The following SAMSN1 variants were observed in gnomAD, a reference collection of about 807,000 sequenced individuals.
SAMSN1 encodes SAM domain, SH3 domain and nuclear localization signals 1, also known as SAM domain-containing protein SAMSN-1.
Under a neutral mutation model 42.0 loss-of-function variants are expected in SAMSN1, and 31 were observed. The ratio of observed to expected loss-of-function variants is 0.74; its 90% CI spans 0.55 to 1.00. The LOEUF (loss-of-function observed/expected upper bound fraction) is 1.00, where lower values mean the gene tolerates loss of function less well. Among genes scored for constraint, SAMSN1 ranks in the 50% least tolerant of loss-of-function variants. The pLI, the probability that SAMSN1 is intolerant of heterozygous loss-of-function variation, is 0.00. For missense variants in SAMSN1, 464 were observed against 439.4 expected, an observed-to-expected ratio of 1.06 and a Z score of -0.50; for synonymous variants, 178 against 151.9, an observed-to-expected ratio of 1.17 and a Z score of -1.26.
At chr21:14,590,725 G>A (rs1342737370) in intron 7 of SAMSN1, among the ~76,000 whole-genome samples, 3 of 152,274 alleles carry the variant, frequency 2.0e-5, no homozygotes, top group East Asian at 1.9e-4. Context: ...CTTAGAGACA[G>A]GAAGAAGAGA....
intron 2 of SAMSN1, among the ~76,000 whole-genome samples, chr21:14,562,120 G>A (rs551229398): frequency 6.6e-6 from 1 of 151,696 alleles, no homozygotes; most frequent in South Asian, 2.1e-4. Context: ...AGGTGAGCAT[G>A]TATACATTTA....
intron 2 of SAMSN1, among the ~76,000 whole-genome samples, chr21:14,560,906 T>C (rs1233692609): frequency 2.0e-5 from 3 of 152,232 alleles, no homozygotes; most frequent in Admixed American, 1.3e-4. Context: ...GCAGATATTA[T>C]TGTCTCAGTA....
chr21:14,578,005 C>G (rs1981562687), intron 2 of SAMSN1, among the ~76,000 whole-genome samples: 1 of 152,190 alleles, frequency 6.6e-6, no homozygotes, highest in Admixed American at 6.5e-5. Flanking sequence ...ATACATTTCC[C>G]TGTCTGATTC....
intron 3 of SAMSN1, among the ~76,000 whole-genome samples, chr21:14,614,567 A>G (rs1475399743): frequency 2.0e-5 from 3 of 152,240 alleles, no homozygotes; most frequent in African/African-American, 4.8e-5. Flanking sequence ...TCGGCAGCAC[A>G]GATACATATT....
upstream of SAMSN1, among the ~76,000 whole-genome samples, chr21:14,586,161 G>T (rs1291362483): frequency 6.7e-6 from 1 of 149,588 alleles, no homozygotes; most frequent in Non-Finnish European, 1.5e-5. Context: ...TACTTGGGAG[G>T]CTGAGGCAGG....
At position 14,485,717 on chromosome 21, in the gene SAMSN1, T is replaced by C. The variant is rs1016779683; in HGVS notation, c.*195A>G. ...TATTAACACATAGCATTTAAAATAATAAATATATATTTTATTGACAGTAAT... is the reference window on the plus strand; with the variant it reads ...TATTAACACATAGCATTTAAAATAACAAATATATATTTTATTGACAGTAAT... On this transcript the variant is annotated 3_prime_UTR_variant, in exon 8 of 8. Coordinates refer to ENST00000400566, the MANE Select transcript of SAMSN1 (RefSeq NM_022136.5). 2 of 467,694 alleles carry C rather than the reference T, an allele frequency of 4.3e-6. No individual in the cohort carries two copies. Among genetic ancestry groups the C allele is most frequent in the African/African-American group, 3.9e-5 (2 of 51,280 alleles). The allele number at this position is 467,694 out of a possible 1,614,324, so 29.0% of individuals were successfully genotyped here.
At chr21:14,527,148 T>C (rs1347136118) in intron 1 of SAMSN1, among the ~76,000 whole-genome samples, 3 of 152,196 alleles carry the variant, frequency 2.0e-5, no homozygotes, top group Non-Finnish European at 4.4e-5. Context: ...ACAAAGAACG[T>C]TGGTTAGTAA....
chr21:14,496,751 G>A (rs1011941589), intron 7 of SAMSN1, among the ~76,000 whole-genome samples: 4 of 152,064 alleles, frequency 2.6e-5, no homozygotes, highest in Non-Finnish European at 5.9e-5. Flanking sequence ...GCATCTCCCA[G>A]CCTCACAACT....
intron 4 of SAMSN1, chr21:14,612,639 G>T (rs1982737202): frequency 1.7e-6 from 1 of 581,160 alleles, no homozygotes; most frequent in Non-Finnish European, 3.3e-6. Flanking sequence ...TACCAAAGAG[G>T]ATTATTCTGT....
chr21:14,501,392 A>G (rs943089923), intron 5 of SAMSN1, among the ~76,000 whole-genome samples: 7 of 152,238 alleles, frequency 4.6e-5, no homozygotes, highest in African/African-American at 1.4e-4. Context: ...TATTACAGAA[A>G]AAGAAACAGA....
intron 2 of SAMSN1, among the ~76,000 whole-genome samples, chr21:14,625,554 A>G (rs527262939): frequency 1.3e-5 from 2 of 152,340 alleles, no homozygotes; most frequent in South Asian, 4.1e-4. Flanking sequence ...CAAAATACCT[A>G]GGAATCCAAC....
At chr21:14,488,672 G>T (rs1418436587) in intron 7 of SAMSN1, among the ~76,000 whole-genome samples, 1 of 152,066 alleles carries the variant, frequency 6.6e-6, no homozygotes, top group Non-Finnish European at 1.5e-5. Flanking sequence ...GAATGGTTTT[G>T]TTTTAAACAC....
intron 4 of SAMSN1, 42 bp from the exon 5 acceptor site, chr21:14,510,503 A>G: frequency 6.2e-7 from 1 of 1,608,382 alleles, no homozygotes; most frequent in Non-Finnish European, 8.5e-7. Flanking sequence ...GAAGACTTAT[A>G]ACATTCTGAA....
chr21:14,582,360 C>T (rs202239654), exon 2 of SAMSN1: 1 of 1,549,888 alleles, frequency 6.5e-7, no homozygotes, highest in East Asian at 2.4e-5. Flanking sequence ...CTGGATCTAC[C>T]CAGTGATGCA....
At chr21:14,605,226 A>G (rs1202330112) in intron 5 of SAMSN1, among the ~76,000 whole-genome samples, 1 of 152,248 alleles carries the variant, frequency 6.6e-6, no homozygotes, top group African/African-American at 2.4e-5. Flanking sequence ...CCTCTGAAGA[A>G]CTGAAGGATC....
chr21:14,498,743 T>C, intron 6 of SAMSN1, 151 bp from the exon 7 acceptor site: 1 of 565,942 alleles, frequency 1.8e-6, no homozygotes, highest in East Asian at 3.3e-5. Flanking sequence ...GTTTCTGACA[T>C]ATGAACTCCA....
chr21:14,492,226 T>C lies in SAMSN1; in HGVS notation c.920-6112A>G, dbSNP rs149059029. ...TTTTAAACTTTGATTGTGTTTCACG[T>C]TATTGCCCTCCAAAAATGTACTTAT... On this transcript the variant is annotated intron_variant, in intron 7 of 7. Transcript: ENST00000400566. Among the ~76,000 whole-genome samples the C allele has an allele frequency of 1.3e-3, 205 of 152,330 alleles. 1 individual carries two copies. Among genetic ancestry groups the C allele is most frequent in the African/African-American group, 4.8e-3 (199 of 41,584 alleles).
intron 3 of SAMSN1, 144 bp downstream of exon 3, chr21:14,516,748 T>C: frequency 1.6e-6 from 1 of 624,686 alleles, no homozygotes; most frequent in Non-Finnish European, 2.6e-6. Context: ...AATACTTCCT[T>C]CCACCCAAGT....
chr21:14,613,554 T>C (rs1330096032), intron 3 of SAMSN1, among the ~76,000 whole-genome samples: 1 of 152,196 alleles, frequency 6.6e-6, no homozygotes, highest in Admixed American at 6.5e-5. Flanking sequence ...AGTTTACCAT[T>C]TTTTCAAACT....
Sources: allele counts gnomAD v4.1 joint callset (sites outside exome capture counted in the v4.1 genomes callset), GRCh38; gene constraint gnomAD v4.1.1; transcripts MANE v1.5; gene names NCBI Gene and HGNC (gene_info 2026-07-23, HGNC 2026-07-21).